The following SYN3 variants were observed in gnomAD, a reference collection of about 807,000 sequenced individuals.
SYN3 encodes synapsin-3.
Under a neutral mutation model 65.8 loss-of-function variants are expected in SYN3, and 35 were observed. That is an observed-to-expected ratio of 0.53 (90% CI 0.41 to 0.70). The LOEUF is 0.70. Among genes scored for constraint, SYN3 ranks in the 30% least tolerant of loss-of-function variants. The pLI, the probability that SYN3 is intolerant of heterozygous loss-of-function variation, is 0.00. For synonymous variants in SYN3, 270 were observed against 292.9 expected, an observed-to-expected ratio of 0.92 and a Z score of 0.80; for missense variants, 680 against 749.0, an observed-to-expected ratio of 0.91 and a Z score of 1.08.
At position 32,710,288 on chromosome 22, in the gene SYN3, C is replaced by A. The variant is rs187077234; in HGVS notation, c.712-113552G>T. Among the ~76,000 whole-genome samples the A allele has an allele frequency of 1.9e-4, 29 of 151,590 alleles. No homozygotes were observed. The East Asian group carries it at 5.5e-3, about 29-fold the overall frequency. On this transcript the variant is annotated intron_variant, in intron 6 of 13. Coordinates refer to ENST00000358763, the MANE Select transcript of SYN3 (RefSeq NM_003490.4). ...GTGGTTCCTCATGGTTTAACACCATCCACCTTGGAGCTGTTGTCAAGATAG... is the reference window on the plus strand; with the variant it reads ...GTGGTTCCTCATGGTTTAACACCATACACCTTGGAGCTGTTGTCAAGATAG...
chr22:32,708,260 G>A (rs1306632895), intron 6 of SYN3, among the ~76,000 whole-genome samples: 4 of 152,292 alleles, frequency 2.6e-5, no homozygotes, highest in Admixed American at 6.5e-5. Context: ...GTTTAGAAAC[G>A]GTGGTGCGTG....
intron 6 of SYN3, among the ~76,000 whole-genome samples, chr22:32,616,964 G>A (rs552547062): frequency 2.0e-5 from 3 of 152,260 alleles, no homozygotes; most frequent in African/African-American, 4.8e-5. Flanking sequence ...GTGGTTGGAG[G>A]ATTCAGGAAA....
chr22:32,690,268 C>G (rs965534309), intron 6 of SYN3, among the ~76,000 whole-genome samples: 13 of 152,190 alleles, frequency 8.5e-5, no homozygotes, highest in Non-Finnish European at 7.3e-5. Context: ...TAAACAAACC[C>G]TCACAAGACA....
At chr22:32,691,535 T>C (rs2060661394) in intron 6 of SYN3, among the ~76,000 whole-genome samples, 1 of 152,170 alleles carries the variant, frequency 6.6e-6, no homozygotes, top group South Asian at 2.1e-4. Context: ...GAAAGTATGG[T>C]TACTTCTACA....
At chr22:32,972,416 GA>G (rs2052047312) in intron 3 of SYN3, among the ~76,000 whole-genome samples, 1 of 152,164 alleles carries the variant, frequency 6.6e-6, no homozygotes, top group African/African-American at 2.4e-5. Context: ...GGCATGTGTA[GA>G]TGCCAAGTAG....
chr22:32,835,309 G>A (rs2047698486), intron 6 of SYN3, among the ~76,000 whole-genome samples: 1 of 152,216 alleles, frequency 6.6e-6, no homozygotes, highest in Non-Finnish European at 1.5e-5. Context: ...AGATACAATT[G>A]TGAGCAAAGC....
At chr22:32,634,885 C>A (rs778412536) in intron 6 of SYN3, among the ~76,000 whole-genome samples, 2 of 152,094 alleles carry the variant, frequency 1.3e-5, no homozygotes, top group African/African-American at 4.8e-5. Context: ...GAATGTGGCC[C>A]AACACAAATC....
At chr22:32,742,820 C>T (rs1004644547) in intron 6 of SYN3, among the ~76,000 whole-genome samples, 9 of 152,100 alleles carry the variant, frequency 5.9e-5, no homozygotes. Context: ...TAAAATATTC[C>T]GTCTTATCAC....
At chr22:33,055,826 G>A (rs376623543) in intron 1 of SYN3, among the ~76,000 whole-genome samples, 5 of 152,262 alleles carry the variant, frequency 3.3e-5, no homozygotes, top group African/African-American at 9.6e-5. Context: ...AGCATTTAAT[G>A]TCTATCTCCT....
At chr22:32,573,889 C>T (rs2058814206) in intron 7 of SYN3, among the ~76,000 whole-genome samples, 1 of 150,936 alleles carries the variant, frequency 6.6e-6, no homozygotes, top group Non-Finnish European at 1.5e-5. Flanking sequence ...CCTGCCTCAG[C>T]CTCCCGAGTA....
At chr22:33,004,095 T>C (rs2053136728) in intron 2 of SYN3, among the ~76,000 whole-genome samples, 1 of 152,236 alleles carries the variant, frequency 6.6e-6, no homozygotes, top group Non-Finnish European at 1.5e-5. Flanking sequence ...AGAGGATGTA[T>C]GGAAACACTT....
chr22:32,702,426 C>T (rs2060822738), intron 6 of SYN3, among the ~76,000 whole-genome samples: 1 of 152,104 alleles, frequency 6.6e-6, no homozygotes, highest in Non-Finnish European at 1.5e-5. Context: ...TGCAGTGAGC[C>T]GAGATCGCAC....
chr22:33,022,719 C>T (rs2053580501), intron 1 of SYN3, among the ~76,000 whole-genome samples: 1 of 152,090 alleles, frequency 6.6e-6, no homozygotes, highest in Non-Finnish European at 1.5e-5. Context: ...GAGAGGGTCT[C>T]CTCGAAGTCA....
intron 6 of SYN3, among the ~76,000 whole-genome samples, chr22:32,661,704 C>A (rs962952186): frequency 1.3e-5 from 2 of 152,138 alleles, no homozygotes; most frequent in Non-Finnish European, 2.9e-5. Flanking sequence ...TCTTTCCCCC[C>A]ACCTTTCTTG....
intron 7 of SYN3, among the ~76,000 whole-genome samples, chr22:32,591,073 C>T (rs1189890524): frequency 6.6e-6 from 1 of 152,102 alleles, no homozygotes. Flanking sequence ...GAAGCTCATA[C>T]AATTATTACT....
intron 3 of SYN3, among the ~76,000 whole-genome samples, chr22:32,934,598 C>G (rs1214512207): frequency 1.3e-5 from 2 of 152,230 alleles, no homozygotes; most frequent in African/African-American, 2.4e-5. Flanking sequence ...AAACCACCTT[C>G]CCTTCAAGAT....
At chr22:32,859,151 A>G in intron 6 of SYN3, 1 of 1,612,230 alleles carries the variant, frequency 6.2e-7, no homozygotes, top group South Asian at 1.1e-5. Flanking sequence ...GGCAGAGTCC[A>G]TCAACTGCTG....
At chr22:33,010,132 T>A (rs2053314205) in intron 1 of SYN3, among the ~76,000 whole-genome samples, 1 of 151,788 alleles carries the variant, frequency 6.6e-6, no homozygotes, top group Admixed American at 6.6e-5. Context: ...CTTGGGAGGC[T>A]GAGGCAGGAG....
At chr22:32,569,231 T>TA (rs1373586359) in intron 7 of SYN3, among the ~76,000 whole-genome samples, 12 of 130,216 alleles carry the variant, frequency 9.2e-5, no homozygotes, top group Non-Finnish European at 1.5e-4. Context: ...TAATTCTTTC[T>TA]TTCTATCTAT....
Sources: gnomAD v4.1 joint callset for allele counts (sites outside exome capture counted in the v4.1 genomes callset) on GRCh38, gnomAD v4.1.1 for gene constraint, MANE v1.5 for transcripts, NCBI Gene and HGNC (gene_info 2026-07-23, HGNC 2026-07-21) for gene names.